Variants in COL25A1 observed in about 807,000 individuals in gnomAD.
COL25A1 encodes collagen type XXV alpha 1 chain.
Under a neutral mutation model 128.4 loss-of-function variants are expected in COL25A1, and 103 were observed. That is an observed-to-expected ratio of 0.80 (90% CI 0.68 to 0.94). The LOEUF is 0.94. Ranked by LOEUF, COL25A1 falls within the 40% of genes least tolerant of loss-of-function variation. COL25A1 has a pLI of 0.00. For missense variants in COL25A1, 745 were observed against 840.0 expected, an observed-to-expected ratio of 0.89 and a Z score of 1.40; for synonymous variants, 279 against 277.2, an observed-to-expected ratio of 1.01 and a Z score of -0.06.
chr4:108,824,496 C>T (rs1278609081), intron 34 of COL25A1, among the ~76,000 whole-genome samples: 1 of 152,170 alleles, frequency 6.6e-6, no homozygotes, highest in East Asian at 1.9e-4. Context: ...CTGGCAAGTT[C>T]ACTGATTTGT....
chr4:109,146,102 C>T lies in COL25A1; in HGVS notation c.368-95923G>A, dbSNP rs564847399. 2.0e-5 allele frequency among the ~76,000 whole-genome samples: 3 copies of T among 152,156 alleles called. No individual in the cohort carries two copies. In the South Asian group the frequency reaches 6.2e-4, roughly 32 times the overall value. On this transcript the variant is annotated intron_variant, in intron 3 of 37. Transcript: ENST00000399132. ...CATTAACATTTTGAAATACTAGTATCAAAAGAAATATTCATCTTGCTGTAA... is the reference window on the plus strand; with the variant it reads ...CATTAACATTTTGAAATACTAGTATTAAAAGAAATATTCATCTTGCTGTAA...
In COL25A1 at chr4:108,899,155, T is replaced by C; in HGVS notation, c.860A>G (p.Lys287Arg). 1 of 1,609,686 alleles carries C rather than the reference T, an allele frequency of 6.2e-7. No homozygotes were observed. Among genetic ancestry groups the C allele is most frequent in the Non-Finnish European group, 8.5e-7 (1 of 1,177,984 alleles). Residue 287 changes from lysine (K) to arginine (R), a missense_variant and splice_region_variant, in exon 15 of 38, where the codon AAG becomes AGG. Around this residue, in one of 3 missense-constraint regions of COL25A1, gnomAD observed 39 missense variants for 73.3 expected, o/e 0.53. Transcript: ENST00000399132. Reference sequence around the variant, plus strand: ...AAATACAGGCAGAATCATTCTTACCTTTTCACCTTGTTCTCCAGGTTCTCC... The same window carrying C: ...AAATACAGGCAGAATCATTCTTACCCTTTCACCTTGTTCTCCAGGTTCTCC... ...PKGEPGEQGE[K>R]GDAGENGPKG...
chr4:108,844,662 T>A (rs768186419), intron 29 of COL25A1, 93 bp from the exon 30 acceptor site: 4 of 1,502,712 alleles, frequency 2.7e-6, no homozygotes, highest in Non-Finnish European at 3.6e-6. Context: ...CTAAGGCCAT[T>A]AGTAGTTGGA....
intron 10 of COL25A1, 86 bp downstream of exon 10, chr4:108,940,453 C>T: frequency 1.8e-6 from 2 of 1,090,690 alleles, no homozygotes; most frequent in Non-Finnish European, 2.8e-6. Context: ...TGACCTGATG[C>T]CCCTCACCAC....
chr4:109,257,660 T>C (rs1578567886), intron 3 of COL25A1, among the ~76,000 whole-genome samples: 1 of 152,230 alleles, frequency 6.6e-6, no homozygotes, highest in East Asian at 1.9e-4. Context: ...GACATTGTTA[T>C]TCCACAAGTA....
intron 6 of COL25A1, among the ~76,000 whole-genome samples, chr4:108,975,936 T>C (rs565905282): frequency 6.6e-6 from 1 of 152,274 alleles, no homozygotes; most frequent in Admixed American, 6.5e-5. Flanking sequence ...GAGTTATTTA[T>C]ATATTTTGAA....
intron 3 of COL25A1, among the ~76,000 whole-genome samples, chr4:109,221,861 A>T (rs1778435077): frequency 6.6e-6 from 1 of 152,086 alleles, no homozygotes; most frequent in Non-Finnish European, 1.5e-5. Flanking sequence ...ATAAATAAAT[A>T]AATAAAATAC....
At chr4:109,041,956 T>G (rs1440228339) in intron 5 of COL25A1, among the ~76,000 whole-genome samples, 1 of 152,144 alleles carries the variant, frequency 6.6e-6, no homozygotes, top group Non-Finnish European at 1.5e-5. Flanking sequence ...CAGCTAAAGT[T>G]ATTCTAAAAC....
At chr4:109,257,955 T>C (rs1442423187) in intron 3 of COL25A1, among the ~76,000 whole-genome samples, 2 of 152,168 alleles carry the variant, frequency 1.3e-5, no homozygotes, top group South Asian at 2.1e-4. Flanking sequence ...ATTAGGAAGT[T>C]GGTAAAATAT....
At chr4:108,946,675 T>C (rs11735903) in intron 8 of COL25A1, among the ~76,000 whole-genome samples, 68,980 of 151,748 alleles carry the variant, frequency 0.45, 17,240 homozygotes, top group East Asian at 0.76. Context: ...TCATACAGAG[T>C]GATAAGTATT....
At chr4:108,886,486 G>GTTTTTTTT (rs1199944880) in intron 18 of COL25A1, among the ~76,000 whole-genome samples, 17 of 79,936 alleles carry the variant, frequency 2.1e-4, no homozygotes, top group African/African-American at 7.3e-4. Context: ...GTGTGTGTGT[G>GTTTTTTTT]TGTGTGTTTA....
intron 26 of COL25A1, among the ~76,000 whole-genome samples, chr4:108,851,264 T>C (rs1332417586): frequency 6.6e-6 from 1 of 152,086 alleles, no homozygotes; most frequent in Non-Finnish European, 1.5e-5. Flanking sequence ...CCACACCTTA[T>C]ATTAATGTTA....
intron 3 of COL25A1, among the ~76,000 whole-genome samples, chr4:109,057,110 T>C (rs1761516157): frequency 6.6e-6 from 1 of 152,172 alleles, no homozygotes; most frequent in African/African-American, 2.4e-5. Context: ...TCCTCCTGCC[T>C]TGGACTCCCA....
chr4:109,106,064 G>A (rs895081054), intron 3 of COL25A1, among the ~76,000 whole-genome samples: 6 of 152,080 alleles, frequency 3.9e-5, no homozygotes, highest in Admixed American at 6.5e-5. Context: ...CAGTATGAGG[G>A]ATCTCGCTCA....
intron 19 of COL25A1, among the ~76,000 whole-genome samples, chr4:108,880,574 A>T (rs1740000876): frequency 6.6e-6 from 1 of 152,232 alleles, no homozygotes; most frequent in South Asian, 2.1e-4. Flanking sequence ...CATTTACTAC[A>T]TGCTTGGCAA....
intron 3 of COL25A1, among the ~76,000 whole-genome samples, chr4:109,264,054 AAAAC>A (rs1237232102): frequency 6.6e-6 from 1 of 152,262 alleles, no homozygotes; most frequent in Non-Finnish European, 1.5e-5. Flanking sequence ...ATTATTTTTA[AAAAC>A]AAACAAAATT....
rs1361379487 is a variant in COL25A1 at position 108,813,852 on chromosome 4, C to G, written c.*75G>C. The G allele has an allele frequency of 4.4e-6, 5 of 1,148,064 alleles. No homozygotes were observed. The East Asian group carries it at 1.2e-4, about 27-fold the overall frequency. 71.1% of individuals were successfully genotyped at this position (1,148,064 alleles called of 1,614,324 possible). A position where few individuals can be genotyped will look rare whatever the true frequency, so the allele number is the denominator to read the frequency against. On this transcript the variant is annotated 3_prime_UTR_variant, in exon 38 of 38. Coordinates refer to ENST00000399132, the MANE Select transcript of COL25A1 (RefSeq NM_198721.4). ...ACATATCTCAGACTTGTAAAATCTG[C>G]AATTCAGTTTTCAACTATAAATATT...
intron 3 of COL25A1, among the ~76,000 whole-genome samples, chr4:109,198,538 C>G (rs909449020): frequency 6.6e-6 from 1 of 152,106 alleles, no homozygotes; most frequent in African/African-American, 2.4e-5. Flanking sequence ...ACAATCAAAT[C>G]CTAGAGAAAG....
At chr4:109,188,741 C>T (rs928473115) in intron 3 of COL25A1, among the ~76,000 whole-genome samples, 6 of 151,938 alleles carry the variant, frequency 3.9e-5, no homozygotes, top group East Asian at 3.9e-4. Context: ...GTAAGGAGAC[C>T]GTCAATCAGA....
Sources: allele counts gnomAD v4.1 joint callset (sites outside exome capture counted in the v4.1 genomes callset), GRCh38; gene constraint gnomAD v4.1.1; regional missense constraint gnomAD v4.1.1; transcripts MANE v1.5; gene names NCBI Gene and HGNC (gene_info 2026-07-23, HGNC 2026-07-21).